Variants in CYP4X1 observed in about 807,000 individuals in gnomAD.
The protein encoded by CYP4X1 is cytochrome P450 family 4 subfamily X member 1.
A neutral mutation model predicts 57.9 loss-of-function variants in CYP4X1; 44 were observed. The observed-to-expected ratio is 0.76, with a 90% confidence interval of 0.60 to 0.98. The LOEUF (loss-of-function observed/expected upper bound fraction) is 0.98. CYP4X1 is among the 50% of genes least tolerant of loss of function. CYP4X1 has a pLI of 0.00. For synonymous variants in CYP4X1, 227 were observed against 228.6 expected (o/e 0.99, Z 0.06); for missense variants, 532 against 623.9 (o/e 0.85, Z 1.57).
At chr1:47,007,692 G>A in the CYP4X1 span, among the ~76,000 whole-genome samples, 47 of 152,220 alleles carry the variant, frequency 3.1e-4, no homozygotes, top group African/African-American at 1.9e-4. Context: ...AAAATTAGAC[G>A]AATGGCTAAC....
chr1:47,020,194 C>A (rs540441139), upstream of CYP4X1, among the ~76,000 whole-genome samples: 1 of 152,324 alleles, frequency 6.6e-6, no homozygotes, highest in Non-Finnish European at 1.5e-5. Flanking sequence ...CACTTTTCCA[C>A]CATGTAGAAT....
At chr1:47,026,195 G>A (rs1644062540) in intron 1 of CYP4X1, among the ~76,000 whole-genome samples, 1 of 152,192 alleles carries the variant, frequency 6.6e-6, no homozygotes, top group South Asian at 2.1e-4. Flanking sequence ...GGTGGCTATA[G>A]TCAATAATAA....
At chr1:47,049,092 G>A (rs531622747) in intron 10 of CYP4X1, among the ~76,000 whole-genome samples, 1 of 152,286 alleles carries the variant, frequency 6.6e-6, no homozygotes. Context: ...GGCCACATAC[G>A]GCTACTGAGC....
the CYP4X1 span, among the ~76,000 whole-genome samples, chr1:46,976,608 A>G: frequency 6.6e-6 from 1 of 152,116 alleles, no homozygotes; most frequent in African/African-American, 2.4e-5. Flanking sequence ...TTCTCCCAGC[A>G]TGGTGTTTGA....
the CYP4X1 span, among the ~76,000 whole-genome samples, chr1:46,994,872 A>G: frequency 6.6e-6 from 1 of 152,260 alleles, no homozygotes; most frequent in East Asian, 1.9e-4. Flanking sequence ...AGTCTAATTT[A>G]CTGAATGTTC....
the CYP4X1 span, among the ~76,000 whole-genome samples, chr1:47,001,629 T>C: frequency 6.6e-6 from 1 of 152,192 alleles, no homozygotes; most frequent in Admixed American, 6.5e-5. Context: ...GCCTTGCCCT[T>C]ACGCCTCGGT....
Position 47,039,383 on chromosome 1 carries a change from T to C in CYP4X1, c.924T>C (p.Ser308=). The C allele has an allele frequency of 6.2e-7, 1 of 1,612,994 alleles. No homozygotes were observed. The change falls in exon 8 of 12, where the codon TCT becomes TCC. Residue 308 remains serine, a synonymous_variant. Coordinates refer to ENST00000371901, the MANE Select transcript of CYP4X1 (RefSeq NM_178033.2). ...GSSFSDIDVH[S]EVSTFLLAGH... ...GCTTCTCAGATATTGATGTACACTC[T>C]GAAGTGAGCACATTCCTGTTGGCAG...
the CYP4X1 span, among the ~76,000 whole-genome samples, chr1:46,989,601 T>A: frequency 6.6e-6 from 1 of 152,202 alleles, no homozygotes; most frequent in Non-Finnish European, 1.5e-5. Context: ...AAGACAATCA[T>A]AAGCAAAAAG....
the CYP4X1 span, among the ~76,000 whole-genome samples, chr1:47,003,897 G>T: frequency 2.0e-5 from 3 of 152,138 alleles, no homozygotes; most frequent in Admixed American, 6.5e-5. Context: ...TCCTTCTCAC[G>T]TTACAAAATA....
the CYP4X1 span, among the ~76,000 whole-genome samples, chr1:46,994,070 C>T: frequency 9.2e-5 from 14 of 152,174 alleles, no homozygotes; most frequent in African/African-American, 1.9e-4. Flanking sequence ...TCAGGTCTAA[C>T]ATTTAAGTCT....
At chr1:47,025,168 C>T (rs529553129) in intron 1 of CYP4X1, among the ~76,000 whole-genome samples, 101 of 152,212 alleles carry the variant, frequency 6.6e-4, no homozygotes, top group Admixed American at 6.5e-3. Context: ...AGTTCTCACT[C>T]TCTTAGTCCC....
the CYP4X1 span, among the ~76,000 whole-genome samples, chr1:46,977,041 A>G: frequency 6.6e-6 from 1 of 152,196 alleles, no homozygotes; most frequent in Non-Finnish European, 1.5e-5. Context: ...AAAGCTAAAA[A>G]TTCTAAAAAC....
the CYP4X1 span, among the ~76,000 whole-genome samples, chr1:47,018,174 C>A: frequency 6.6e-6 from 1 of 152,064 alleles, no homozygotes; most frequent in African/African-American, 2.4e-5. Flanking sequence ...TGAAGATGAA[C>A]TGGGGAGGAA....
Position 47,033,264 on chromosome 1 carries a change from G to A in CYP4X1, c.388G>A (p.Gly130Arg), listed in dbSNP as rs751911913. 8.1e-6 allele frequency: 13 copies of A among 1,613,490 alleles called. 1 individual carries two copies. Among genetic ancestry groups the A allele is most frequent in the South Asian group, 5.5e-5 (5 of 91,046 alleles). ...LLGKGLAALD[G>R]PKWFQHRRLL... ...AGGAAAAGGACTAGCGGCTCTAGACGGACCCAAGTGGTTCCAGCATCGTCG... is the reference window on the plus strand; with the variant it reads ...AGGAAAAGGACTAGCGGCTCTAGACAGACCCAAGTGGTTCCAGCATCGTCG... The change falls in exon 4 of 12, where the codon GGA (glycine) becomes AGA (arginine). Residue 130 changes from glycine to arginine, a missense_variant. Coordinates refer to ENST00000371901, the MANE Select transcript of CYP4X1 (RefSeq NM_178033.2).
upstream of CYP4X1, among the ~76,000 whole-genome samples, chr1:47,021,342 A>T (rs1430752884): frequency 1.3e-5 from 2 of 152,114 alleles, no homozygotes; most frequent in African/African-American, 4.8e-5. Flanking sequence ...GATAGCAAAA[A>T]CACAAGCAAT....
At chr1:47,041,166 C>A (rs1232255044) in intron 8 of CYP4X1, among the ~76,000 whole-genome samples, 1 of 152,018 alleles carries the variant, frequency 6.6e-6, no homozygotes, top group Non-Finnish European at 1.5e-5. Flanking sequence ...TATATATATA[C>A]CATGTTTTCT....
the CYP4X1 span, among the ~76,000 whole-genome samples, chr1:46,970,080 A>G: frequency 6.6e-6 from 1 of 152,224 alleles, no homozygotes; most frequent in Non-Finnish European, 1.5e-5. Flanking sequence ...ATTCAACTCT[A>G]TGTAGACTGG....
chr1:47,022,819 T>C (rs1356808969), upstream of CYP4X1, among the ~76,000 whole-genome samples: 4 of 152,070 alleles, frequency 2.6e-5, no homozygotes, highest in Non-Finnish European at 1.5e-5. Flanking sequence ...AATAAATAAA[T>C]GAATGAAATG....
chr1:47,031,943 T>C (rs1644128940), intron 3 of CYP4X1, among the ~76,000 whole-genome samples: 1 of 152,108 alleles, frequency 6.6e-6, no homozygotes, highest in Admixed American at 6.5e-5. Flanking sequence ...CTTGGGAGGC[T>C]GAGACATGAG....
Sources: gnomAD v4.1 joint callset for allele counts (sites outside exome capture counted in the v4.1 genomes callset) on GRCh38, gnomAD v4.1.1 for gene constraint, MANE v1.5 for transcripts, NCBI Gene and HGNC (gene_info 2026-07-23, HGNC 2026-07-21) for gene names.